SHISA6: variants seen among roughly 807,000 people sequenced by gnomAD.
The protein encoded by SHISA6 is protein shisa-6.
SHISA6 carries 22 observed loss-of-function variants against 47.9 expected under a neutral mutation model. That is an observed-to-expected ratio of 0.46 (90% CI 0.33 to 0.66). SHISA6 has a LOEUF of 0.66. Ranked by LOEUF, SHISA6 falls within the 30% of genes least tolerant of loss-of-function variation. The pLI, the probability that SHISA6 is intolerant of heterozygous loss-of-function variation, is 0.02. For synonymous variants in SHISA6, 388 were observed against 337.8 expected (o/e 1.15, Z -1.63); for missense variants, 680 against 764.6 (o/e 0.89, Z 1.30).
intron 2 of SHISA6, among the ~76,000 whole-genome samples, chr17:11,364,356 T>C (rs1025911878): frequency 6.6e-6 from 1 of 152,224 alleles, no homozygotes; most frequent in Non-Finnish European, 1.5e-5. Flanking sequence ...TGTTTGCTTG[T>C]TTTTTGAGCT....
intron 3 of SHISA6, among the ~76,000 whole-genome samples, chr17:11,453,283 T>C (rs940894093): frequency 6.6e-6 from 1 of 152,252 alleles, no homozygotes; most frequent in African/African-American, 2.4e-5. Flanking sequence ...GAACAGACAC[T>C]TGGTAGAAGA....
intron 3 of SHISA6, among the ~76,000 whole-genome samples, chr17:11,511,140 A>G (rs929088088): frequency 2.6e-5 from 4 of 152,198 alleles, no homozygotes; most frequent in Non-Finnish European, 5.9e-5. Context: ...TTACAGGGAC[A>G]TGGATGAAGC....
chr17:11,335,685 G>A (rs1911294026), intron 2 of SHISA6, among the ~76,000 whole-genome samples: 1 of 152,056 alleles, frequency 6.6e-6, no homozygotes, highest in Non-Finnish European at 1.5e-5. Flanking sequence ...ATTTTCCCAC[G>A]AATTATCAGG....
At chr17:11,281,241 A>G (rs2142160988) in intron 2 of SHISA6, among the ~76,000 whole-genome samples, 1 of 152,194 alleles carries the variant, frequency 6.6e-6, no homozygotes, top group African/African-American at 2.4e-5. Flanking sequence ...TTATTTTCTA[A>G]TCTTAGGGGG....
chr17:11,339,671 C>G lies in SHISA6; in HGVS notation c.800-39743C>G, dbSNP rs556883558. Among the ~76,000 whole-genome samples the G allele has an allele frequency of 2.6e-5, 4 of 152,330 alleles. No homozygotes were observed. The South Asian group carries it at 6.2e-4, about 24-fold the overall frequency. On this transcript the variant is annotated intron_variant, in intron 2 of 5. Coordinates refer to ENST00000441885, the MANE Select transcript of SHISA6 (RefSeq NM_207386.4). ...GCAACAGCTCTATTGCTTCCTTCTT[C>G]TATCTTGCAGCAGAAGTGTGACTAC...
chr17:11,279,320 A>T (rs1354219959), intron 2 of SHISA6, among the ~76,000 whole-genome samples: 1 of 152,136 alleles, frequency 6.6e-6, no homozygotes, highest in Non-Finnish European at 1.5e-5. Flanking sequence ...GAATACTCAT[A>T]TCAACTTGTT....
intron 3 of SHISA6, among the ~76,000 whole-genome samples, chr17:11,389,147 T>TAC (rs1913304837): frequency 6.6e-6 from 1 of 152,008 alleles, no homozygotes; most frequent in African/African-American, 2.4e-5. Flanking sequence ...GGAGTCCACC[T>TAC]CTAAGGTAGC....
chr17:11,288,432 CTCTT>C (rs1182087653), intron 2 of SHISA6: 3 of 151,672 alleles, frequency 2.0e-5, no homozygotes, highest in Admixed American at 6.6e-5. Flanking sequence ...ATTTTCTTCT[CTCTT>C]TCTCTCTTTT....
chr17:11,327,028 A>T (rs1225707410), intron 2 of SHISA6, among the ~76,000 whole-genome samples: 2 of 152,168 alleles, frequency 1.3e-5, no homozygotes, highest in East Asian at 3.9e-4. Flanking sequence ...CTCTGGGTGG[A>T]GTGGGAGGAG....
At chr17:11,366,162 T>G (rs1912444758) in intron 2 of SHISA6, among the ~76,000 whole-genome samples, 1 of 152,186 alleles carries the variant, frequency 6.6e-6, no homozygotes, top group Non-Finnish European at 1.5e-5. Context: ...ATATGTATAT[T>G]TTTGAGACAA....
chr17:11,442,970 C>G (rs1220011609), intron 3 of SHISA6, among the ~76,000 whole-genome samples: 1 of 152,304 alleles, frequency 6.6e-6, no homozygotes, highest in East Asian at 1.9e-4. Flanking sequence ...AAATCCTGTC[C>G]ATCCTGGTAG....
rs753913881 is a variant in SHISA6 at position 11,249,166 on chromosome 17, CTG to C, written c.638+7109_638+7110del. On this transcript the variant is annotated intron_variant, in intron 1 of 5. Transcript: ENST00000441885. ...AAAAAAAAAAAAAAAAAAATTCAGA[CTG>C]TGAATGCTTTCTCTCTCTCTCCCAG... is the stretch of plus-strand genomic sequence containing the variant. 1.3e-4 allele frequency among the ~76,000 whole-genome samples: 19 copies of C among 150,678 alleles called. 1 individual carries two copies. In the East Asian group the frequency reaches 2.0e-3, roughly 16 times the overall value.
chr17:11,334,860 C>G (rs959964740), intron 2 of SHISA6, among the ~76,000 whole-genome samples: 1 of 152,198 alleles, frequency 6.6e-6, no homozygotes, highest in African/African-American at 2.4e-5. Context: ...TATCATGTAG[C>G]TTGTCCCACT....
chr17:11,374,492 C>T (rs2142240476), intron 2 of SHISA6, among the ~76,000 whole-genome samples: 1 of 151,436 alleles, frequency 6.6e-6, no homozygotes, highest in East Asian at 1.9e-4. Flanking sequence ...GCTTCTTAGT[C>T]CTTGACTTGA....
chr17:11,486,901 G>C (rs1916361848), intron 3 of SHISA6, among the ~76,000 whole-genome samples: 1 of 152,234 alleles, frequency 6.6e-6, no homozygotes, highest in South Asian at 2.1e-4. Context: ...AGCACAGTTG[G>C]TGTCTAGCCC....
chr17:11,400,243 A>T (rs558906890), intron 3 of SHISA6, among the ~76,000 whole-genome samples: 27 of 152,154 alleles, frequency 1.8e-4, no homozygotes, highest in Non-Finnish European at 2.6e-4. Flanking sequence ...TGGCACTGAG[A>T]GTGGGAAAGG....
At chr17:11,396,362 T>C (rs1913572124) in intron 3 of SHISA6, among the ~76,000 whole-genome samples, 1 of 152,230 alleles carries the variant, frequency 6.6e-6, no homozygotes, top group Admixed American at 6.5e-5. Context: ...CTTTATCCTG[T>C]TTAGTATCAA....
At chr17:11,308,947 G>A (rs577653920) in intron 2 of SHISA6, among the ~76,000 whole-genome samples, 1 of 152,278 alleles carries the variant, frequency 6.6e-6, no homozygotes, top group Non-Finnish European at 1.5e-5. Flanking sequence ...TGCCAGTGGA[G>A]CACGAATCAT....
chr17:11,450,728 G>C (rs1050891785), intron 3 of SHISA6, among the ~76,000 whole-genome samples: 2 of 151,846 alleles, frequency 1.3e-5, no homozygotes, highest in African/African-American at 2.4e-5. Flanking sequence ...AGTAATCCAA[G>C]AGAGAAGGAC....
Sources: gnomAD v4.1 joint callset for allele counts (sites outside exome capture counted in the v4.1 genomes callset) on GRCh38, gnomAD v4.1.1 for gene constraint, MANE v1.5 for transcripts, NCBI Gene and HGNC (gene_info 2026-07-23, HGNC 2026-07-21) for gene names.